Variants in PDE1C observed in about 807,000 individuals in gnomAD.
The protein encoded by PDE1C is dual specificity calcium/calmodulin-dependent 3',5'-cyclic nucleotide phosphodiesterase 1C.
PDE1C carries 62 observed loss-of-function variants against 93.1 expected under a neutral mutation model. The observed-to-expected ratio is 0.67, with a 90% CI of 0.54 to 0.82. The LOEUF (loss-of-function observed/expected upper bound fraction) is 0.82. Ranked by LOEUF, PDE1C falls within the 40% of genes least tolerant of loss-of-function variation. The probability of loss-of-function intolerance (pLI) is 0.00; values close to 1 mark genes in which losing one functional copy is unlikely to be tolerated. For synonymous variants in PDE1C, 325 were observed against 310.1 expected, an observed-to-expected ratio of 1.05 and a Z score of -0.50; for missense variants, 742 against 884.6, an observed-to-expected ratio of 0.84 and a Z score of 2.04.
the PDE1C span, among the ~76,000 whole-genome samples, chr7:31,743,274 C>G: frequency 6.6e-6 from 1 of 152,098 alleles, no homozygotes; most frequent in Non-Finnish European, 1.5e-5. Context: ...TCCTGAGAGT[C>G]TCATCTTATG....
At chr7:32,091,201 A>C (rs10247473) in intron 3 of PDE1C, among the ~76,000 whole-genome samples, 8,301 of 152,276 alleles carry the variant, frequency 0.055, 755 homozygotes, top group African/African-American at 0.19. Context: ...CTGGATGGTT[A>C]AGTAACTTAT....
intron 2 of PDE1C, among the ~76,000 whole-genome samples, chr7:31,966,294 G>C (rs28848244): frequency 2.0e-5 from 3 of 152,048 alleles, no homozygotes; most frequent in Non-Finnish European, 4.4e-5. Context: ...ACAAAAAAAG[G>C]CAAGGGTTGC....
At chr7:31,954,658 T>C (rs1807877649) in intron 2 of PDE1C, among the ~76,000 whole-genome samples, 1 of 152,196 alleles carries the variant, frequency 6.6e-6, no homozygotes, top group Non-Finnish European at 1.5e-5. Context: ...TCTCCACTTA[T>C]CTGTAACAGC....
chr7:31,940,336 T>C (rs1165522164), intron 2 of PDE1C, among the ~76,000 whole-genome samples: 4 of 152,174 alleles, frequency 2.6e-5, no homozygotes, highest in Non-Finnish European at 5.9e-5. Flanking sequence ...CTGTCTGAGA[T>C]GAAAGCAGAG....
chr7:31,808,973 C>T, intron 16 of PDE1C, 58 bp downstream of exon 16: 1 of 989,310 alleles, frequency 1.0e-6, no homozygotes, highest in Non-Finnish European at 1.6e-6. Flanking sequence ...ATGATTCTAA[C>T]AAGCTTACAT....
At chr7:31,974,431 A>C (rs1244260065) in intron 2 of PDE1C, among the ~76,000 whole-genome samples, 1 of 152,206 alleles carries the variant, frequency 6.6e-6, no homozygotes, top group African/African-American at 2.4e-5. Flanking sequence ...TTGTTCTAAT[A>C]TGGGACCATT....
chr7:32,159,711 G>A (rs1484508187), intron 3 of PDE1C, among the ~76,000 whole-genome samples: 1 of 152,170 alleles, frequency 6.6e-6, no homozygotes, highest in African/African-American at 2.4e-5. Flanking sequence ...ACAGGGAGAA[G>A]AGAAACCAGA....
the PDE1C span, chr7:31,707,169 G>A: frequency 7.0e-6 from 11 of 1,581,844 alleles, no homozygotes; most frequent in East Asian, 2.2e-5. Context: ...TTTAATTAGA[G>A]GTACTTAATT....
intron 2 of PDE1C, among the ~76,000 whole-genome samples, chr7:31,913,255 C>A (rs1170352751): frequency 6.6e-6 from 1 of 152,072 alleles, no homozygotes; most frequent in Non-Finnish European, 1.5e-5. Flanking sequence ...ATTTTAGCTC[C>A]CTGTGTAGTA....
the PDE1C span, among the ~76,000 whole-genome samples, chr7:31,662,382 T>C: frequency 6.6e-6 from 1 of 152,216 alleles, no homozygotes; most frequent in South Asian, 2.1e-4. Context: ...ACAGACAGAA[T>C]CATCTCTAAC....
chr7:32,210,826 A>G (rs894304005), intron 1 of PDE1C, among the ~76,000 whole-genome samples: 4 of 152,134 alleles, frequency 2.6e-5, no homozygotes, highest in South Asian at 4.1e-4. Flanking sequence ...CTTACTATAT[A>G]TTACTATATA....
chr7:32,008,150 T>C (rs1584430635), intron 2 of PDE1C, among the ~76,000 whole-genome samples: 1 of 152,296 alleles, frequency 6.6e-6, no homozygotes, highest in Non-Finnish European at 1.5e-5. Flanking sequence ...ATGAGCTACA[T>C]GCCAGATATA....
At chr7:32,426,624 G>T (rs1241196497) in intron 1 of PDE1C, among the ~76,000 whole-genome samples, 3 of 152,164 alleles carry the variant, frequency 2.0e-5, no homozygotes, top group Non-Finnish European at 4.4e-5. Context: ...ACTGAGCTTA[G>T]CAGAACCCAG....
intron 1 of PDE1C, among the ~76,000 whole-genome samples, chr7:32,393,576 C>T (rs1258932679): frequency 1.3e-5 from 2 of 152,210 alleles, no homozygotes; most frequent in Admixed American, 1.3e-4. Flanking sequence ...TTGTCATTTT[C>T]CTAGGATGGA....
At chr7:32,266,001 G>A (rs777424726) in intron 1 of PDE1C, among the ~76,000 whole-genome samples, 3 of 119,048 alleles carry the variant, frequency 2.5e-5, no homozygotes, top group Admixed American at 8.0e-5. Flanking sequence ...GTGGCCGGGC[G>A]CGGTGGCTCA....
chr7:32,373,564 A>C (rs1360158920), intron 1 of PDE1C, among the ~76,000 whole-genome samples: 1 of 152,246 alleles, frequency 6.6e-6, no homozygotes, highest in Non-Finnish European at 1.5e-5. Context: ...GTGGTTGTGC[A>C]ACTCTTGAAT....
At chr7:32,248,241 G>T (rs1430956148) in intron 1 of PDE1C, among the ~76,000 whole-genome samples, 1 of 152,106 alleles carries the variant, frequency 6.6e-6, no homozygotes, top group Non-Finnish European at 1.5e-5. Context: ...AACAATGGGG[G>T]ACTCCAGACA....
At chr7:32,335,282 C>G (rs1387129621) in intron 1 of PDE1C, among the ~76,000 whole-genome samples, 1 of 152,180 alleles carries the variant, frequency 6.6e-6, no homozygotes, top group Non-Finnish European at 1.5e-5. Flanking sequence ...CATCCAACCA[C>G]TCACATCCTC....
chr7:31,628,604 C>T, the PDE1C span, among the ~76,000 whole-genome samples: 1 of 152,030 alleles, frequency 6.6e-6, no homozygotes, highest in Non-Finnish European at 1.5e-5. Context: ...ACTACAGGCG[C>T]CCGCCACCAC....
Sources: gnomAD v4.1 joint callset for allele counts (sites outside exome capture counted in the v4.1 genomes callset) on GRCh38, gnomAD v4.1.1 for gene constraint, MANE v1.5 for transcripts, NCBI Gene and HGNC (gene_info 2026-07-23, HGNC 2026-07-21) for gene names.